Variants in ANKS1A observed in about 807,000 individuals in gnomAD.
ANKS1A encodes the protein ankyrin repeat and sterile alpha motif domain containing 1A.
ANKS1A carries 55 observed loss-of-function variants against 120.3 expected under a neutral mutation model. The observed-to-expected ratio is 0.46, with a 90% CI of 0.37 to 0.57. The LOEUF (loss-of-function observed/expected upper bound fraction) is 0.57, where lower values mean the gene tolerates loss of function less well. Among genes scored for constraint, ANKS1A ranks in the 20% least tolerant of loss-of-function variants. The pLI, the probability that ANKS1A is intolerant of heterozygous loss-of-function variation, is 0.00. For synonymous variants in ANKS1A, 590 were observed against 604.7 expected (o/e 0.98, Z 0.36); for missense variants, 1,123 against 1,480.3 (o/e 0.76, Z 3.96).
Position 34,967,327 on chromosome 6 carries a change from T to G in ANKS1A, c.278+8T>G. The G allele has an allele frequency of 6.2e-7, 1 of 1,613,398 alleles. No individual in the cohort carries two copies. The highest frequency in any genetic ancestry group is 8.5e-7 in the Non-Finnish European group (1 of 1,179,652). On this transcript the variant is annotated splice_region_variant and intron_variant, in intron 2 of 23. Transcript: ENST00000360359. Reference sequence around the variant, plus strand: ...TGCTTTGAATGGCCATAAGTAAGTATCAATGTACTACATTCCTGCCTTCAC... The same window carrying G: ...TGCTTTGAATGGCCATAAGTAAGTAGCAATGTACTACATTCCTGCCTTCAC...
At chr6:34,972,795 G>A (rs922891559) in intron 3 of ANKS1A, among the ~76,000 whole-genome samples, 2 of 152,122 alleles carry the variant, frequency 1.3e-5, no homozygotes, top group Non-Finnish European at 2.9e-5. Context: ...GCTTGTCTGG[G>A]AATGGGAAAA....
intron 1 of ANKS1A, among the ~76,000 whole-genome samples, chr6:34,892,735 C>T (rs1766884083): frequency 6.6e-6 from 1 of 152,218 alleles, no homozygotes; most frequent in Admixed American, 6.5e-5. Flanking sequence ...ATCTCTCAAG[C>T]TTCCATGTCT....
chr6:34,955,464 A>C (rs1338149374), intron 1 of ANKS1A, among the ~76,000 whole-genome samples: 1 of 152,096 alleles, frequency 6.6e-6, no homozygotes, highest in African/African-American at 2.4e-5. Context: ...TGTCCAGCTT[A>C]TTCTTACTTC....
intron 11 of ANKS1A, chr6:35,038,342 C>T: frequency 2.2e-6 from 1 of 456,614 alleles, no homozygotes; most frequent in Non-Finnish European, 4.4e-6. Context: ...TGAGATAGTC[C>T]TCAATACAGT....
intron 13 of ANKS1A, among the ~76,000 whole-genome samples, chr6:35,074,248 G>A (rs989142347): frequency 4.6e-5 from 7 of 152,252 alleles, no homozygotes; most frequent in Admixed American, 1.3e-4. Context: ...TCCTCTTGGA[G>A]GTTTGAGGCA....
At chr6:35,011,361 G>A (rs1581641509) in intron 10 of ANKS1A, among the ~76,000 whole-genome samples, 1 of 152,296 alleles carries the variant, frequency 6.6e-6, no homozygotes, top group East Asian at 1.9e-4. Flanking sequence ...ATTAGGCATG[G>A]TTAGAAATCG....
chr6:35,022,916 G>A (rs959947315), intron 11 of ANKS1A, among the ~76,000 whole-genome samples: 2 of 152,194 alleles, frequency 1.3e-5, no homozygotes, highest in Non-Finnish European at 2.9e-5. Context: ...AAAAGGCTGA[G>A]TATTCTCTTG....
intron 10 of ANKS1A, among the ~76,000 whole-genome samples, chr6:35,005,435 A>G (rs1266809578): frequency 6.6e-6 from 1 of 152,258 alleles, no homozygotes; most frequent in Non-Finnish European, 1.5e-5. Context: ...GTAAATACCT[A>G]TAATACTTGG....
At chr6:34,908,187 A>G (rs1474480689) in intron 1 of ANKS1A, among the ~76,000 whole-genome samples, 1 of 152,198 alleles carries the variant, frequency 6.6e-6, no homozygotes, top group Non-Finnish European at 1.5e-5. Flanking sequence ...GTAATGGAGT[A>G]GGGTGGTCTG....
At chr6:34,968,317 G>A (rs765450183) in intron 2 of ANKS1A, among the ~76,000 whole-genome samples, 3 of 152,188 alleles carry the variant, frequency 2.0e-5, no homozygotes, top group Non-Finnish European at 2.9e-5. Flanking sequence ...GCATTGTCGG[G>A]GAGCACAGTG....
chr6:34,993,101 A>C (rs1209852627), intron 9 of ANKS1A, among the ~76,000 whole-genome samples: 1 of 152,182 alleles, frequency 6.6e-6, no homozygotes. Context: ...TACTTGTCCT[A>C]GCCAAACTGA....
intron 12 of ANKS1A, among the ~76,000 whole-genome samples, chr6:35,059,346 C>A (rs1314931704): frequency 2.0e-5 from 3 of 152,282 alleles, no homozygotes; most frequent in Non-Finnish European, 4.4e-5. Flanking sequence ...AGCAGAGCCA[C>A]ACCTGAGCCT....
rs571126954 is a variant in ANKS1A at position 34,930,576 on chromosome 6, A to G, written c.198-36663A>G. 7.9e-4 allele frequency among the ~76,000 whole-genome samples: 120 copies of G among 152,264 alleles called. 1 individual carries two copies. The highest frequency in any genetic ancestry group is 2.6e-3 in the African/African-American group (110 of 41,552). Reference sequence around the variant, plus strand: ...TAGAGTTACATTAGGGTTGAGCGAGATGTCCTCTGGTGGGCTCTGGTTTGT... The same window carrying G: ...TAGAGTTACATTAGGGTTGAGCGAGGTGTCCTCTGGTGGGCTCTGGTTTGT... On this transcript the variant is annotated intron_variant, in intron 1 of 23. Transcript: ENST00000360359.
chr6:35,018,084 G>T, intron 11 of ANKS1A, 25 bp downstream of exon 11: 1 of 1,602,130 alleles, frequency 6.2e-7, no homozygotes, highest in Non-Finnish European at 8.5e-7. Flanking sequence ...ACGTCACAGG[G>T]AGCTGGGCTG....
intron 12 of ANKS1A, among the ~76,000 whole-genome samples, chr6:35,055,124 G>A (rs1776151975): frequency 6.6e-6 from 1 of 152,176 alleles, no homozygotes; most frequent in South Asian, 2.1e-4. Context: ...TGCACATCAG[G>A]GAGAAAGGAA....
rs1262497659 is a variant in ANKS1A, at chr6:34,973,865, C to A, written c.435+3699C>A. 1.3e-3 allele frequency among the ~76,000 whole-genome samples: 154 copies of A among 117,034 alleles called. 9 individuals carry two copies. The highest frequency in any genetic ancestry group is 4.7e-3 in the African/African-American group (126 of 26,690). The allele number at this position is 117,034 out of a possible 152,430, so 76.8% of individuals were successfully genotyped here. A position where few individuals can be genotyped will look rare whatever the true frequency, so the allele number is the denominator to read the frequency against. ...TCCCTTCCCCTTCCCCTTGCCCTCCCCTTCCCTTCCCCTTCCCCTTCACTT... is the reference window on the plus strand; with the variant it reads ...TCCCTTCCCCTTCCCCTTGCCCTCCACTTCCCTTCCCCTTCCCCTTCACTT... On this transcript the variant is annotated intron_variant, in intron 3 of 23. Transcript: ENST00000360359.
In ANKS1A at chr6:35,085,792, G is replaced by A. The variant is rs144689346; in HGVS notation, c.3159G>A (p.Thr1053=). ...ACCTGACCTACGAGATCATCCTGAC[G>A]CTGGGGCAGGCCTTCGAAGTGGCCT... is the stretch of plus-strand genomic sequence containing the variant. The part of the protein sequence containing the change: ...DVNLTYEIIL[T]LGQAFEVAYQ... The change falls in exon 22 of 24, where the codon ACG becomes ACA. Residue 1053 remains threonine (T), a synonymous_variant. Transcript: ENST00000360359. The surrounding 1 kb of genome is among the most constrained non-coding windows in gnomAD (Gnocchi z 4.7). 5.1e-5 allele frequency: 82 copies of A among 1,604,226 alleles called. No individual in the cohort carries two copies. The African/African-American group carries it at 5.2e-4, about 10-fold the overall frequency.
At chr6:34,930,484 A>G (rs988719909) in intron 1 of ANKS1A, among the ~76,000 whole-genome samples, 1 of 152,204 alleles carries the variant, frequency 6.6e-6, no homozygotes, top group Admixed American at 6.5e-5. Context: ...GACCTGGGCA[A>G]GCTGTTTTAT....
chr6:34,966,026 A>C (rs1423752152), intron 1 of ANKS1A, among the ~76,000 whole-genome samples: 1 of 152,184 alleles, frequency 6.6e-6, no homozygotes, highest in African/African-American at 2.4e-5. Flanking sequence ...TATAAGCATG[A>C]GCCATCGCAC....
Sources: gnomAD v4.1 joint callset for allele counts (sites outside exome capture counted in the v4.1 genomes callset) on GRCh38, gnomAD v4.1.1 for gene constraint, Gnocchi (gnomAD v3.1) non-coding constraint, MANE v1.5 for transcripts, NCBI Gene and HGNC (gene_info 2026-07-23, HGNC 2026-07-21) for gene names.